The following ATRNL1 variants were observed in gnomAD, a reference collection of about 807,000 sequenced individuals.
The protein encoded by ATRNL1 is attractin like 1.
A neutral mutation model predicts 182.7 loss-of-function variants in ATRNL1; 95 were observed. That is an observed-to-expected ratio of 0.52 (90% CI 0.44 to 0.62). The LOEUF is 0.62. Among genes scored for constraint, ATRNL1 ranks in the 20% least tolerant of loss-of-function variants. ATRNL1 has a pLI of 0.00. For synonymous variants in ATRNL1, 576 were observed against 568.3 expected (o/e 1.01, Z -0.19); for missense variants, 1,471 against 1,679.5 (o/e 0.88, Z 2.17).
At chr10:115,803,038 T>C (rs573587985) in intron 27 of ATRNL1, among the ~76,000 whole-genome samples, 2 of 152,312 alleles carry the variant, frequency 1.3e-5, no homozygotes, top group East Asian at 3.9e-4. Flanking sequence ...TCATTTTCTT[T>C]GTAGTTTTCT....
At chr10:115,714,508 G>T (rs907703731) in intron 26 of ATRNL1, among the ~76,000 whole-genome samples, 1 of 152,106 alleles carries the variant, frequency 6.6e-6, no homozygotes, top group Non-Finnish European at 1.5e-5. Context: ...CCTGTCAAAG[G>T]TTCTGCCAGG....
intron 25 of ATRNL1, among the ~76,000 whole-genome samples, chr10:115,535,512 A>C (rs1365677654): frequency 1.3e-5 from 2 of 150,916 alleles, no homozygotes; most frequent in African/African-American, 2.4e-5. Context: ...CATTAGTCTA[A>C]ATTTTTTTCA....
At chr10:115,926,425 G>T (rs1465900305) in intron 28 of ATRNL1, among the ~76,000 whole-genome samples, 1 of 151,750 alleles carries the variant, frequency 6.6e-6, no homozygotes, top group Non-Finnish European at 1.5e-5. Context: ...AGAATTGAAG[G>T]AGATAGAGAC....
In ATRNL1 at chr10:115,692,703, A is replaced by C. The variant is rs1459837059; in HGVS notation, c.3796-34545A>C. Among the ~76,000 whole-genome samples the C allele has an allele frequency of 2.0e-5, 3 of 152,092 alleles. No individual in the cohort carries two copies. In the East Asian group the frequency reaches 5.8e-4, roughly 29 times the overall value. On this transcript the variant is annotated intron_variant, in intron 26 of 28. Transcript: ENST00000355044. ...GAGATTCATTGAATGTTTTTAAAAC[A>C]TTTTATTTATTTATTTAGAATGCAT...
At chr10:115,743,859 GA>G (rs1425356254) in intron 27 of ATRNL1, among the ~76,000 whole-genome samples, 6 of 151,774 alleles carry the variant, frequency 4.0e-5, no homozygotes, top group Admixed American at 3.9e-4. Context: ...ACTTTGTTTA[GA>G]AAAAATATAG....
intron 26 of ATRNL1, among the ~76,000 whole-genome samples, chr10:115,573,378 C>G (rs554582637): frequency 6.6e-6 from 1 of 151,918 alleles, no homozygotes; most frequent in South Asian, 2.1e-4. Context: ...GTCTGCTTGC[C>G]TCCTCATCAA....
chr10:115,824,889 G>A (rs1248164477), intron 27 of ATRNL1, among the ~76,000 whole-genome samples: 1 of 151,934 alleles, frequency 6.6e-6, no homozygotes, highest in Non-Finnish European at 1.5e-5. Context: ...CTCATTACTG[G>A]GTATATTCCC....
chr10:115,394,051 G>A (rs1844167036), intron 19 of ATRNL1, among the ~76,000 whole-genome samples: 1 of 151,992 alleles, frequency 6.6e-6, no homozygotes, highest in African/African-American at 2.4e-5. Flanking sequence ...ATAAATAGAT[G>A]TTCTTTTTTA....
At chr10:115,720,524 A>T (rs1380479650) in intron 26 of ATRNL1, among the ~76,000 whole-genome samples, 1 of 152,178 alleles carries the variant, frequency 6.6e-6, no homozygotes, top group Non-Finnish European at 1.5e-5. Context: ...CTATCAGGTC[A>T]TGTAGTTTGT....
chr10:115,352,568 T>C (rs1261588395), intron 19 of ATRNL1, among the ~76,000 whole-genome samples: 1 of 152,178 alleles, frequency 6.6e-6, no homozygotes, highest in Non-Finnish European at 1.5e-5. Context: ...ATTGTTTCAT[T>C]TCCATATATT....
chr10:115,920,749 A>G (rs782304310), intron 28 of ATRNL1, among the ~76,000 whole-genome samples: 1 of 152,238 alleles, frequency 6.6e-6, no homozygotes, highest in African/African-American at 2.4e-5. Flanking sequence ...CGGAACCATT[A>G]ATGAAAGCAG....
intron 26 of ATRNL1, among the ~76,000 whole-genome samples, chr10:115,575,694 G>T (rs1854658497): frequency 6.6e-6 from 1 of 151,726 alleles, no homozygotes; most frequent in South Asian, 2.1e-4. Flanking sequence ...ATAATGTTTT[G>T]ATATACATAT....
intron 23 of ATRNL1, 145 bp downstream of exon 23, chr10:115,467,397 G>A: frequency 2.0e-6 from 1 of 489,836 alleles, no homozygotes; most frequent in Non-Finnish European, 3.6e-6. Context: ...AAAATAATAA[G>A]TAGAAAAATG....
intron 5 of ATRNL1, among the ~76,000 whole-genome samples, chr10:115,130,983 G>A (rs1592141724): frequency 6.6e-6 from 1 of 151,998 alleles, no homozygotes; most frequent in South Asian, 2.1e-4. Context: ...TCTTTGAAAT[G>A]CTTTATTTTG....
intron 27 of ATRNL1, among the ~76,000 whole-genome samples, chr10:115,811,294 A>C (rs939247667): frequency 6.6e-6 from 1 of 151,696 alleles, no homozygotes; most frequent in Non-Finnish European, 1.5e-5. Context: ...AGATTTTTAA[A>C]TTTATTTTTA....
intron 18 of ATRNL1, among the ~76,000 whole-genome samples, chr10:115,328,491 C>G (rs563670985): frequency 6.2e-4 from 94 of 152,228 alleles, no homozygotes; most frequent in African/African-American, 2.2e-3. Flanking sequence ...CTATAATCAC[C>G]TTACTACTGT....
chr10:115,526,068 C>CT (rs1851200969), intron 25 of ATRNL1, among the ~76,000 whole-genome samples: 1 of 152,130 alleles, frequency 6.6e-6, no homozygotes, highest in South Asian at 2.1e-4. Context: ...GAAGAGAGCT[C>CT]TTTAGTGTCT....
intron 20 of ATRNL1, among the ~76,000 whole-genome samples, chr10:115,395,735 A>T (rs2134283698): frequency 6.6e-6 from 1 of 151,820 alleles, no homozygotes; most frequent in South Asian, 2.1e-4. Flanking sequence ...TTGTCTTAGC[A>T]TTTAGTTTTT....
intron 10 of ATRNL1, among the ~76,000 whole-genome samples, chr10:115,248,554 C>A (rs1850740238): frequency 6.6e-6 from 1 of 152,082 alleles, no homozygotes; most frequent in South Asian, 2.1e-4. Context: ...AGCAACAGGA[C>A]ATATCATTGT....
Sources: gnomAD v4.1 joint callset for allele counts (sites outside exome capture counted in the v4.1 genomes callset) on GRCh38, gnomAD v4.1.1 for gene constraint, MANE v1.5 for transcripts, NCBI Gene and HGNC (gene_info 2026-07-23, HGNC 2026-07-21) for gene names.